The following KCTD16 variants were observed in gnomAD, a reference collection of about 807,000 sequenced individuals.
KCTD16 encodes potassium channel tetramerization domain containing 16, also known as BTB/POZ domain-containing protein KCTD16.
Under a neutral mutation model 33.2 loss-of-function variants are expected in KCTD16, and 13 were observed. The observed-to-expected ratio is 0.39, with a 90% CI of 0.25 to 0.62. The LOEUF (loss-of-function observed/expected upper bound fraction) is 0.62. KCTD16 is among the 20% of genes least tolerant of loss of function. The pLI is 0.50. For missense variants in KCTD16, 441 were observed against 525.1 expected, an observed-to-expected ratio of 0.84 and a Z score of 1.57; for synonymous variants, 197 against 195.3, an observed-to-expected ratio of 1.01 and a Z score of -0.07.
intron 2 of KCTD16, among the ~76,000 whole-genome samples, chr5:144,197,646 C>G (rs1048244436): frequency 6.6e-6 from 1 of 152,120 alleles, no homozygotes; most frequent in Non-Finnish European, 1.5e-5. Flanking sequence ...ATTGGGTACA[C>G]AGTGAGCATA....
chr5:144,270,384 A>C (rs73312728), intron 3 of KCTD16, among the ~76,000 whole-genome samples: 1 of 151,948 alleles, frequency 6.6e-6, no homozygotes, highest in Non-Finnish European at 1.5e-5. Context: ...TCAATGACAG[A>C]AGTAAAACTG....
At chr5:144,366,612 C>A (rs576680650) in intron 3 of KCTD16, among the ~76,000 whole-genome samples, 2 of 152,210 alleles carry the variant, frequency 1.3e-5, no homozygotes, top group East Asian at 3.9e-4. Context: ...TGCCTGTGAC[C>A]CTCTTCTACG....
chr5:144,381,134 A>G (rs928515581), intron 3 of KCTD16, among the ~76,000 whole-genome samples: 2 of 152,228 alleles, frequency 1.3e-5, no homozygotes, highest in South Asian at 4.1e-4. Context: ...CCCATTAAAA[A>G]ATGAGCAAAG....
chr5:144,326,817 A>T (rs967737513), intron 3 of KCTD16, among the ~76,000 whole-genome samples: 1 of 152,126 alleles, frequency 6.6e-6, no homozygotes, highest in Non-Finnish European at 1.5e-5. Context: ...TGCTTCTTAA[A>T]ATTCTTATCC....
chr5:144,359,934 A>G (rs914228303), intron 3 of KCTD16, among the ~76,000 whole-genome samples: 1 of 152,038 alleles, frequency 6.6e-6, no homozygotes, highest in Non-Finnish European at 1.5e-5. Flanking sequence ...TGATTCTCAA[A>G]TTCCTCAAAG....
chr5:144,361,592 A>T (rs1436805371), intron 3 of KCTD16, among the ~76,000 whole-genome samples: 2 of 152,156 alleles, frequency 1.3e-5, no homozygotes, highest in Non-Finnish European at 2.9e-5. Flanking sequence ...AATATACAGA[A>T]CCCCTTCGTT....
chr5:144,418,002 T>C (rs2126959408), intron 3 of KCTD16, among the ~76,000 whole-genome samples: 1 of 152,246 alleles, frequency 6.6e-6, no homozygotes, highest in East Asian at 1.9e-4. Flanking sequence ...GTTTCTTCCT[T>C]CTGGTGGGCT....
At chr5:144,250,907 T>C (rs1231533122) in intron 3 of KCTD16, among the ~76,000 whole-genome samples, 1 of 152,216 alleles carries the variant, frequency 6.6e-6, no homozygotes, top group Non-Finnish European at 1.5e-5. Context: ...TAGCATATGG[T>C]AATTGAAAAA....
At chr5:144,206,339 T>C (rs922737164) in intron 2 of KCTD16, 50 bp from the exon 3 acceptor site, 4 of 175,826 alleles carry the variant, frequency 2.3e-5, no homozygotes, top group Non-Finnish European at 4.8e-5. Context: ...AGGACTCTTT[T>C]TCTGACTCAT....
At chr5:144,355,584 C>T (rs979525352) in intron 3 of KCTD16, among the ~76,000 whole-genome samples, 1 of 152,160 alleles carries the variant, frequency 6.6e-6, no homozygotes, top group Non-Finnish European at 1.5e-5. Flanking sequence ...AAATGGCAGG[C>T]AGGGAGAAAA....
chr5:144,200,826 C>T (rs1753030328), intron 2 of KCTD16, among the ~76,000 whole-genome samples: 2 of 152,186 alleles, frequency 1.3e-5, no homozygotes, highest in South Asian at 4.1e-4. Flanking sequence ...CACCCTTAAA[C>T]TCGAGACTCA....
At chr5:144,295,925 A>C (rs1756023091) in intron 3 of KCTD16, among the ~76,000 whole-genome samples, 1 of 152,202 alleles carries the variant, frequency 6.6e-6, no homozygotes, top group Non-Finnish European at 1.5e-5. Flanking sequence ...TAACCTCCAG[A>C]AAGGAACATA....
chr5:144,235,441 C>T (rs1421869328), intron 3 of KCTD16, among the ~76,000 whole-genome samples: 15 of 152,088 alleles, frequency 9.9e-5, no homozygotes, highest in Non-Finnish European at 2.2e-4. Context: ...GTCAGTTTGA[C>T]TGAGATCAAA....
At chr5:144,435,610 C>T (rs750230330) in intron 3 of KCTD16, among the ~76,000 whole-genome samples, 3 of 152,040 alleles carry the variant, frequency 2.0e-5, no homozygotes, top group Non-Finnish European at 2.9e-5. Context: ...TCTATATTAC[C>T]GGAAATGGGA....
At chr5:144,334,534 C>T (rs1752432840) in intron 3 of KCTD16, among the ~76,000 whole-genome samples, 1 of 152,150 alleles carries the variant, frequency 6.6e-6, no homozygotes, top group African/African-American at 2.4e-5. Context: ...GTGGCATTCA[C>T]AGTAATAATA....
At chr5:144,272,493 A>G (rs1755325869) in intron 3 of KCTD16, among the ~76,000 whole-genome samples, 1 of 152,140 alleles carries the variant, frequency 6.6e-6, no homozygotes, top group Admixed American at 6.6e-5. Context: ...TTAAGATCTC[A>G]AGAGACCCCC....
intron 3 of KCTD16, among the ~76,000 whole-genome samples, chr5:144,324,915 G>A (rs1463654710): frequency 6.6e-6 from 1 of 152,158 alleles, no homozygotes; most frequent in Non-Finnish European, 1.5e-5. Context: ...AACACACACT[G>A]GGACCTGTGG....
At chr5:144,189,684 T>A (rs1561523444) in intron 2 of KCTD16, among the ~76,000 whole-genome samples, 1 of 152,174 alleles carries the variant, frequency 6.6e-6, no homozygotes, top group African/African-American at 2.4e-5. Context: ...TCTGAGTAAC[T>A]GTTGTCAGCC....
intron 2 of KCTD16, among the ~76,000 whole-genome samples, chr5:144,184,178 T>G (rs1752680722): frequency 1.3e-5 from 2 of 152,214 alleles, no homozygotes; most frequent in African/African-American, 2.4e-5. Flanking sequence ...GTTAAGTGTA[T>G]TCACATTGTT....
Sources: gnomAD v4.1 joint callset for allele counts (sites outside exome capture counted in the v4.1 genomes callset) on GRCh38, gnomAD v4.1.1 for gene constraint, MANE v1.5 for transcripts, NCBI Gene and HGNC (gene_info 2026-07-23, HGNC 2026-07-21) for gene names.